CDK5RAP2: variants seen among roughly 807,000 people sequenced by gnomAD.
CDK5RAP2 encodes CDK5 regulatory subunit associated protein 2.
Under a neutral mutation model 232.9 loss-of-function variants are expected in CDK5RAP2, and 147 were observed. That is an observed-to-expected ratio of 0.63 (90% CI 0.55 to 0.72). CDK5RAP2 has a LOEUF of 0.72. Ranked by LOEUF, CDK5RAP2 falls within the 30% of genes least tolerant of loss-of-function variation. The pLI, the probability that CDK5RAP2 is intolerant of heterozygous loss-of-function variation, is 0.00. For missense variants in CDK5RAP2, 2,195 were observed against 2,231.5 expected (o/e 0.98, Z 0.33); for synonymous variants, 833 against 833.7 (o/e 1.00, Z 0.01).
At chr9:120,476,823 C>G (rs1283997985) in intron 15 of CDK5RAP2, among the ~76,000 whole-genome samples, 2 of 152,104 alleles carry the variant, frequency 1.3e-5, no homozygotes, top group African/African-American at 2.4e-5. Flanking sequence ...TAGAACAAGG[C>G]CTCTATCCTA....
intron 4 of CDK5RAP2, among the ~76,000 whole-genome samples, chr9:120,549,768 T>C (rs943720957): frequency 6.6e-5 from 10 of 152,228 alleles, no homozygotes; most frequent in African/African-American, 2.2e-4. Context: ...CTTTAGGCTA[T>C]TGGTTTTCCT....
At position 120,408,488 on chromosome 9, in the gene CDK5RAP2, A is replaced by G; in HGVS notation, c.4605-20T>C. On this transcript the variant is annotated intron_variant, in intron 30 of 37. Transcript: ENST00000349780. ...TGCACCCTGAGAAGGCCCCACAGGC[A>G]TGAGAAGGACAGGTTAATTCTACCT... 6.2e-7 allele frequency: 1 copy of G among 1,614,020 alleles called. No homozygotes were observed. The highest frequency in any genetic ancestry group is 8.5e-7 in the Non-Finnish European group (1 of 1,179,954).
Position 120,471,854 on chromosome 9 carries a change from T to C in CDK5RAP2, c.1752A>G (p.Leu584=). 1 of 1,614,086 alleles carries C rather than the reference T, an allele frequency of 6.2e-7. No homozygotes were observed. Among genetic ancestry groups the C allele is most frequent in the Non-Finnish European group, 8.5e-7 (1 of 1,179,934 alleles). ...SDSINNLQAE[L]NKIFALRKQL... Reference sequence around the variant, plus strand: ...GCTTCCGCAGGGCAAAAATCTTGTTTAACTCAGCCTGCAGGTTGTTGATAC... The same window carrying C: ...GCTTCCGCAGGGCAAAAATCTTGTTCAACTCAGCCTGCAGGTTGTTGATAC... The change falls in exon 16 of 38, where the codon TTA becomes TTG. Residue 584 remains leucine (L), a synonymous_variant. Transcript: ENST00000349780.
intron 29 of CDK5RAP2, among the ~76,000 whole-genome samples, chr9:120,410,070 G>A (rs1480700531): frequency 1.3e-5 from 2 of 152,046 alleles, no homozygotes; most frequent in South Asian, 2.1e-4. Flanking sequence ...GTGACATTAG[G>A]GCCTTCTCAT....
intron 25 of CDK5RAP2, among the ~76,000 whole-genome samples, chr9:120,427,325 T>G (rs1588303966): frequency 6.6e-6 from 1 of 152,368 alleles, no homozygotes; most frequent in East Asian, 1.9e-4. Context: ...CCACATTCAA[T>G]GCCGTCCTGG....
intron 19 of CDK5RAP2, 35 bp downstream of exon 19, chr9:120,460,537 T>G: frequency 2.5e-6 from 4 of 1,589,988 alleles, no homozygotes; most frequent in African/African-American, 1.3e-5. Context: ...TAGAGTGGAG[T>G]AGATGAAATA....
At chr9:120,400,674 C>CA in intron 35 of CDK5RAP2, 68 bp downstream of exon 35, 1 of 1,596,390 alleles carries the variant, frequency 6.3e-7, no homozygotes, top group Non-Finnish European at 8.6e-7. Flanking sequence ...CCCTGCTTGG[C>CA]ATGGAGGAAA....
chr9:120,424,735 T>TG (rs2034781847), intron 25 of CDK5RAP2, among the ~76,000 whole-genome samples: 1 of 151,300 alleles, frequency 6.6e-6, no homozygotes, highest in Non-Finnish European at 1.5e-5. Context: ...AGTCTTGCTC[T>TG]GTTGCCCAGG....
chr9:120,561,638 T>C (rs530336601), intron 3 of CDK5RAP2, among the ~76,000 whole-genome samples: 5 of 118,186 alleles, frequency 4.2e-5, no homozygotes, highest in Admixed American at 1.9e-4. Flanking sequence ...CAAACACCAG[T>C]TGGAATTTAA....
At chr9:120,509,983 T>TTTTA in intron 12 of CDK5RAP2, among the ~76,000 whole-genome samples, 1 of 152,168 alleles carries the variant, frequency 6.6e-6, no homozygotes, top group South Asian at 2.1e-4. Flanking sequence ...ATACATTTTT[T>TTTTA]TTTAGGGCAA....
At chr9:120,529,347 G>A (rs1200329215) in intron 8 of CDK5RAP2, among the ~76,000 whole-genome samples, 1 of 152,246 alleles carries the variant, frequency 6.6e-6, no homozygotes, top group African/African-American at 2.4e-5. Context: ...AGAGCTTGCT[G>A]GGGAGGCCGC....
intron 13 of CDK5RAP2, 66 bp from the exon 14 acceptor site, chr9:120,487,503 A>G: frequency 8.1e-7 from 1 of 1,241,640 alleles, no homozygotes; most frequent in Middle Eastern, 2.0e-4. Flanking sequence ...AAACTGTCCC[A>G]AACTCCTTAA....
At position 120,545,737 on chromosome 9, in the gene CDK5RAP2, T is replaced by C. The variant is rs1321846677; in HGVS notation, c.360A>G (p.Arg120=). 17 of 1,613,844 alleles carry C rather than the reference T, an allele frequency of 1.1e-5. No individual in the cohort carries two copies. Among genetic ancestry groups the C allele is most frequent in the Non-Finnish European group, 1.2e-5 (14 of 1,179,844 alleles). The change falls in exon 5 of 38, where the codon AGA becomes AGG. Residue 120 remains arginine, a synonymous_variant. Coordinates refer to ENST00000349780, the MANE Select transcript of CDK5RAP2 (RefSeq NM_018249.6). ...VESLKRELQE[R]EQLLIKASKA... The stretch of plus-strand genomic sequence containing the variant: ...ACGAGGCTTTGATGAGCAGCTGCTC[T>C]CTCTCCTGGAGTTCCCGCTTCAGAC...
At chr9:120,408,540 A>G in intron 30 of CDK5RAP2, 72 bp from the exon 31 acceptor site, 6 of 1,563,754 alleles carry the variant, frequency 3.8e-6, no homozygotes, top group Middle Eastern at 1.7e-4. Flanking sequence ...AACCCCACAG[A>G]GCAGGCCAAT....
intron 2 of CDK5RAP2, among the ~76,000 whole-genome samples, chr9:120,569,130 G>C (rs1445663659): frequency 6.6e-6 from 1 of 152,216 alleles, no homozygotes; most frequent in Non-Finnish European, 1.5e-5. Flanking sequence ...GAGCAGGATG[G>C]AGATCTAAAC....
intron 28 of CDK5RAP2, 95 bp from the exon 29 acceptor site, chr9:120,411,569 C>T: frequency 1.4e-6 from 1 of 736,600 alleles, no homozygotes; most frequent in South Asian, 1.5e-5. Context: ...AGAGTTAACA[C>T]AACATACAAT....
At chr9:120,400,465 C>A (rs2032901864) in intron 35 of CDK5RAP2, among the ~76,000 whole-genome samples, 1 of 152,230 alleles carries the variant, frequency 6.6e-6, no homozygotes, top group Non-Finnish European at 1.5e-5. Context: ...CTAACCTTGA[C>A]TAAGTGCCTC....
At chr9:120,567,321 T>C (rs1434296485) in intron 3 of CDK5RAP2, among the ~76,000 whole-genome samples, 1 of 152,228 alleles carries the variant, frequency 6.6e-6, no homozygotes, top group African/African-American at 2.4e-5. Context: ...CTATTAGCAG[T>C]AATGAGCATT....
intron 35 of CDK5RAP2, 49 bp from the exon 36 acceptor site, chr9:120,394,687 G>T: frequency 7.2e-7 from 1 of 1,381,704 alleles, no homozygotes; most frequent in Non-Finnish European, 1.0e-6. Context: ...TAAACATCAT[G>T]TTACACAGGA....
Sources: gnomAD v4.1 joint callset for allele counts (sites outside exome capture counted in the v4.1 genomes callset) on GRCh38, gnomAD v4.1.1 for gene constraint, MANE v1.5 for transcripts, NCBI Gene and HGNC (gene_info 2026-07-23, HGNC 2026-07-21) for gene names.